Variants in CNTN6 observed in about 807,000 individuals in gnomAD.
The protein encoded by CNTN6 is contactin-6.
Under a neutral mutation model 122.8 loss-of-function variants are expected in CNTN6, and 137 were observed. That is an observed-to-expected ratio of 1.12 (90% confidence interval 0.97 to 1.29). The LOEUF (loss-of-function observed/expected upper bound fraction) is 1.29. CNTN6 is among the 50% of genes most tolerant of loss of function. The pLI is 0.00. For missense variants in CNTN6, 1,634 were observed against 1,223.4 expected (o/e 1.34, Z -5.01); for synonymous variants, 570 against 426.0 (o/e 1.34, Z -4.16).
At chr3:1,237,438 G>A (rs577068413) in intron 4 of CNTN6, among the ~76,000 whole-genome samples, 2 of 152,078 alleles carry the variant, frequency 1.3e-5, no homozygotes, top group Admixed American at 6.6e-5. Context: ...TGGTGTTCCC[G>A]AGGAAGAAGA....
At chr3:1,258,141 G>C (rs575098398) in intron 4 of CNTN6, among the ~76,000 whole-genome samples, 1 of 152,252 alleles carries the variant, frequency 6.6e-6, no homozygotes, top group African/African-American at 2.4e-5. Flanking sequence ...TCTGGTCCCA[G>C]AGCTGTTAGA....
Position 1,188,842 on chromosome 3 carries a change from C to T in CNTN6, c.56-31845C>T, listed in dbSNP as rs187823918. 1.7e-4 allele frequency among the ~76,000 whole-genome samples: 26 copies of T among 152,252 alleles called. No individual in the cohort carries two copies. The East Asian group carries it at 4.6e-3, about 27-fold the overall frequency. ...CTTTTCTATTAGAAATCTTCCAATTCAGTTTTCTTTATTGACCCAATTCCC... is the reference window on the plus strand; with the variant it reads ...CTTTTCTATTAGAAATCTTCCAATTTAGTTTTCTTTATTGACCCAATTCCC... On this transcript the variant is annotated intron_variant, in intron 2 of 22. Coordinates refer to ENST00000446702, the MANE Select transcript of CNTN6 (RefSeq NM_001289080.2).
chr3:1,103,361 G>A (rs1036941636), intron 1 of CNTN6, among the ~76,000 whole-genome samples: 7 of 152,128 alleles, frequency 4.6e-5, no homozygotes, highest in East Asian at 3.9e-4. Flanking sequence ...AGAATTAGCC[G>A]GTGCTTATAA....
chr3:1,288,983 A>G (rs1156465865), intron 5 of CNTN6, among the ~76,000 whole-genome samples: 3 of 152,210 alleles, frequency 2.0e-5, no homozygotes, highest in Non-Finnish European at 1.5e-5. Context: ...AGGAAGGACC[A>G]ATTATCATTC....
At chr3:1,365,135 T>G (rs1187669803) in intron 12 of CNTN6, among the ~76,000 whole-genome samples, 1 of 151,996 alleles carries the variant, frequency 6.6e-6, no homozygotes, top group East Asian at 1.9e-4. Flanking sequence ...GGTGATAGTA[T>G]AAGAAACTCT....
intron 4 of CNTN6, among the ~76,000 whole-genome samples, chr3:1,255,626 T>C (rs1308457411): frequency 6.6e-6 from 1 of 152,076 alleles, no homozygotes; most frequent in Non-Finnish European, 1.5e-5. Context: ...TGACGTTACC[T>C]AATTTATTAC....
chr3:1,118,791 T>C (rs2091831193), intron 1 of CNTN6, among the ~76,000 whole-genome samples: 1 of 152,162 alleles, frequency 6.6e-6, no homozygotes. Flanking sequence ...AGCTTTTGTA[T>C]TGTTAGTGTT....
chr3:1,248,439 C>A (rs2094610920), intron 4 of CNTN6, among the ~76,000 whole-genome samples: 1 of 152,080 alleles, frequency 6.6e-6, no homozygotes, highest in Non-Finnish European at 1.5e-5. Flanking sequence ...TAGTTTAATC[C>A]TCAAAACTAC....
intron 1 of CNTN6, among the ~76,000 whole-genome samples, chr3:1,123,859 T>C (rs76339576): frequency 5.1e-4 from 77 of 152,120 alleles, no homozygotes; most frequent in African/African-American, 1.8e-3. Flanking sequence ...AGTTTCTTTG[T>C]AGTCCTAGTT....
chr3:1,173,213 T>C lies in CNTN6; in HGVS notation c.55+25150T>C, dbSNP rs952409594. 6.6e-6 allele frequency: 3 copies of C among 456,690 alleles called. No homozygotes were observed. In the Admixed American group the frequency reaches 7.0e-5, roughly 11 times the overall value. The allele number at this position is 456,690 out of a possible 1,614,324, so 28.3% of individuals were successfully genotyped here. On this transcript the variant is annotated intron_variant, in intron 2 of 22. Coordinates refer to ENST00000446702, the MANE Select transcript of CNTN6 (RefSeq NM_001289080.2). ...ATTTGTTTCATCCTAGAAAAGTTTA[T>C]ATCAGTCCAATTCTGCTGCTAACTG...
At chr3:1,356,641 A>C (rs1372162620) in intron 12 of CNTN6, among the ~76,000 whole-genome samples, 2 of 151,814 alleles carry the variant, frequency 1.3e-5, no homozygotes, top group Non-Finnish European at 2.9e-5. Flanking sequence ...ATTGGAATAC[A>C]TTTGTCATAT....
chr3:1,266,652 G>T lies in CNTN6; in HGVS notation c.359-11761G>T, dbSNP rs146249207. Among the ~76,000 whole-genome samples, 8 of 152,256 alleles carry T rather than the reference G, an allele frequency of 5.3e-5. No homozygotes were observed. The East Asian group carries it at 7.7e-4, about 15-fold the overall frequency. Reference sequence around the variant, plus strand: ...CAATGAATAAAAGGGCTTATTAAGGGCTCTGTCTATGAAGGACCATAGCAG... The same window carrying T: ...CAATGAATAAAAGGGCTTATTAAGGTCTCTGTCTATGAAGGACCATAGCAG... On this transcript the variant is annotated intron_variant, in intron 4 of 22. Coordinates refer to ENST00000446702, the MANE Select transcript of CNTN6 (RefSeq NM_001289080.2).
At chr3:1,262,037 A>T (rs529818064) in intron 4 of CNTN6, among the ~76,000 whole-genome samples, 1 of 152,286 alleles carries the variant, frequency 6.6e-6, no homozygotes, top group East Asian at 1.9e-4. Flanking sequence ...AATTGAGACA[A>T]CTGGACAGTG....
intron 2 of CNTN6, among the ~76,000 whole-genome samples, chr3:1,215,840 T>A (rs2094122639): frequency 6.6e-6 from 1 of 152,120 alleles, no homozygotes; most frequent in African/African-American, 2.4e-5. Flanking sequence ...GGGAACAATT[T>A]TTTTTCTCCT....
chr3:1,302,011 A>G (rs1697513691), intron 7 of CNTN6, among the ~76,000 whole-genome samples: 1 of 152,172 alleles, frequency 6.6e-6, no homozygotes. Context: ...ATTGTCTTCT[A>G]AATATATAAA....
chr3:1,362,905 T>A (rs1474221046), intron 12 of CNTN6, among the ~76,000 whole-genome samples: 3 of 151,292 alleles, frequency 2.0e-5, no homozygotes, highest in African/African-American at 7.3e-5. Flanking sequence ...AAAGATACAT[T>A]AAGTCAAAAA....
At chr3:1,378,629 C>T (rs1433185181) in intron 17 of CNTN6, among the ~76,000 whole-genome samples, 1 of 152,066 alleles carries the variant, frequency 6.6e-6, no homozygotes, top group Non-Finnish European at 1.5e-5. Flanking sequence ...TTTTTTCAAG[C>T]ATTTACAGGA....
In CNTN6 at chr3:1,204,537, C is replaced by T. The variant is rs189714495; in HGVS notation, c.56-16150C>T. Among the ~76,000 whole-genome samples, 1,078 of 148,470 alleles carry T rather than the reference C, an allele frequency of 7.3e-3. 9 individuals are homozygous for T. The highest frequency in any genetic ancestry group is 8.3e-3 in the Non-Finnish European group (557 of 67,420). ...ATACATACAAACAATTTCTCTACCTCCTGCTGTTGTTTCTGCTCACCTCTC... is the reference window on the plus strand; with the variant it reads ...ATACATACAAACAATTTCTCTACCTTCTGCTGTTGTTTCTGCTCACCTCTC... On this transcript the variant is annotated intron_variant, in intron 2 of 22. Coordinates refer to ENST00000446702, the MANE Select transcript of CNTN6 (RefSeq NM_001289080.2).
At chr3:1,245,478 G>C (rs1340519832) in intron 4 of CNTN6, among the ~76,000 whole-genome samples, 1 of 148,672 alleles carries the variant, frequency 6.7e-6, no homozygotes, top group Non-Finnish European at 1.5e-5. Flanking sequence ...ATATGTGGGA[G>C]CTAAGCTATG....
Sources: allele counts gnomAD v4.1 joint callset (sites outside exome capture counted in the v4.1 genomes callset), GRCh38; gene constraint gnomAD v4.1.1; transcripts MANE v1.5; gene names NCBI Gene and HGNC (gene_info 2026-07-23, HGNC 2026-07-21).